The following DXO variants were observed in gnomAD, a reference collection of about 807,000 sequenced individuals.
DXO encodes decapping and exoribonuclease protein.
Under a neutral mutation model 39.8 loss-of-function variants are expected in DXO, and 42 were observed. The observed-to-expected ratio is 1.06, with a 90% CI of 0.83 to 1.37. The LOEUF (loss-of-function observed/expected upper bound fraction) is 1.37, where lower values mean the gene tolerates loss of function less well. Among genes scored for constraint, DXO ranks in the 40% most tolerant of loss-of-function variants. The pLI is 0.00. For missense variants in DXO, 495 were observed against 513.0 expected, an observed-to-expected ratio of 0.96 and a Z score of 0.34; for synonymous variants, 193 against 200.4, an observed-to-expected ratio of 0.96 and a Z score of 0.31.
At position 31,971,355 on chromosome 6, in the gene DXO, C is replaced by T; in HGVS notation, c.321G>A (p.Leu107=). ...EEVQERLDHL[L]CWLLEHRGRL... Reference sequence around the variant, plus strand: ...GGCCTCGGTGTTCCAGGAGCCAGCACAGCAGGTGGTCCAGCCTTTCCTGGA... The same window carrying T: ...GGCCTCGGTGTTCCAGGAGCCAGCATAGCAGGTGGTCCAGCCTTTCCTGGA... Residue 107 remains leucine (L), a synonymous_variant, in exon 2 of 7, where the codon CTG becomes CTA. Transcript: ENST00000337523. This position sits in a 1 kb window ranked among gnomAD's most constrained non-coding sequence, Gnocchi z 4.5. 3.2e-6 allele frequency: 5 copies of T among 1,557,550 alleles called. No individual in the cohort carries two copies. Among genetic ancestry groups the T allele is most frequent in the Non-Finnish European group, 3.5e-6 (4 of 1,149,948 alleles).
rs1388161955 is a variant in DXO at position 31,972,059 on chromosome 6, C to T, written c.-137G>A. ...TTCAGCGACAGTGGCGGGCAAACCCCTCCCGGGGCGGGGGAGGTGTGAGCT... is the reference window on the plus strand; with the variant it reads ...TTCAGCGACAGTGGCGGGCAAACCCTTCCCGGGGCGGGGGAGGTGTGAGCT... On this transcript the variant is annotated 5_prime_UTR_variant, in exon 1 of 7. Coordinates refer to ENST00000337523, the MANE Select transcript of DXO (RefSeq NM_005510.4). This position sits in a 1 kb window ranked among gnomAD's most constrained non-coding sequence, Gnocchi z 6.3. 3.1e-6 allele frequency: 5 copies of T among 1,612,506 alleles called. No homozygotes were observed. The African/African-American group carries it at 5.3e-5, about 17-fold the overall frequency.
rs750071146 is a variant in DXO at position 31,970,856 on chromosome 6, G to A, written c.593-31C>T. 2.5e-6 allele frequency: 4 copies of A among 1,611,896 alleles called. No homozygotes were observed. Among genetic ancestry groups the A allele is most frequent in the Non-Finnish European group, 3.4e-6 (4 of 1,179,200 alleles). The stretch of plus-strand genomic sequence containing the variant: ...CAAGGAGAGAAGCAGCAGCAGGCGT[G>A]GGGGGCTCTCAACCTCTGGGAAGGG... On this transcript the variant is annotated intron_variant, in intron 3 of 6. Coordinates refer to ENST00000337523, the MANE Select transcript of DXO (RefSeq NM_005510.4). The surrounding 1 kb of genome is among the most constrained non-coding windows in gnomAD (Gnocchi z 4.0).
In DXO at chr6:31,971,076, T is replaced by C. The variant is rs1211910013; in HGVS notation, c.428A>G (p.Tyr143Cys). 1.2e-6 allele frequency: 2 copies of C among 1,612,802 alleles called. No homozygotes were observed. The highest frequency in any genetic ancestry group is 1.7e-5 in the Admixed American group (1 of 59,986). ...CAGCTGCCAGCCCTCCTGCCGCTCA[T>C]ACGGTGTCGTCAGCAGTTTTGTCAG... ...GHLTKLLTTP[Y>C]ERQEGWQLAA... is the part of the protein sequence containing the mutation. The change falls in exon 3 of 7, where the codon TAT (tyrosine) becomes TGT (cysteine). Residue 143 changes from tyrosine (Y) to cysteine (C), a missense_variant. Coordinates refer to ENST00000337523, the MANE Select transcript of DXO (RefSeq NM_005510.4). The surrounding 1 kb of genome is among the most constrained non-coding windows in gnomAD (Gnocchi z 4.5).
chr6:31,970,026 T>C lies in DXO; in HGVS notation c.1044-2A>G. 1 of 1,613,710 alleles carries C rather than the reference T, an allele frequency of 6.2e-7. No individual in the cohort carries two copies. The highest frequency in any genetic ancestry group is 8.5e-7 in the Non-Finnish European group (1 of 1,179,926). The stretch of plus-strand genomic sequence containing the variant: ...TCCCAAGAGAAGAGATGAACGAGCC[T>C]GGGGGGCAGATGGAGGCATCAGTTG... On this transcript the variant is annotated splice_acceptor_variant, in intron 6 of 6. Transcript: ENST00000337523. LOFTEE classifies it high-confidence loss of function. The surrounding 1 kb of genome is among the most constrained non-coding windows in gnomAD (Gnocchi z 4.0).
In DXO at chr6:31,969,927, C is replaced by T; in HGVS notation, c.1141G>A (p.Ala381Thr). Residue 381 changes from alanine (A) to threonine (T), a missense_variant, in exon 7 of 7, where the codon GCT becomes ACT. By Grantham distance (58) the Ala-to-Thr change is moderately conservative. Transcript: ENST00000337523. This position sits in a 1 kb window ranked among gnomAD's most constrained non-coding sequence, Gnocchi z 6.1. ...YAFLPIWYVE[A>T]MTQDLPSPPK... ...GGTGATGGGAGGTCCTGAGTCATAG[C>T]TTCCACATACCATATGGGCAGGAAG... 1 of 1,614,038 alleles carries T rather than the reference C, an allele frequency of 6.2e-7. No individual in the cohort carries two copies. The highest frequency in any genetic ancestry group is 1.1e-5 in the South Asian group (1 of 91,072).
In DXO at chr6:31,971,818, C is replaced by T; in HGVS notation, c.-7+111G>A. On this transcript the variant is annotated intron_variant, in intron 1 of 6. Coordinates refer to ENST00000337523, the MANE Select transcript of DXO (RefSeq NM_005510.4). The surrounding 1 kb of genome is among the most constrained non-coding windows in gnomAD (Gnocchi z 4.5). ...TCAGGCCCCTCAGACGCCACCGCGG[C>T]CAAGCTCTCATCCTGCCTCTTTCCT... 7.6e-7 allele frequency: 1 copy of T among 1,321,480 alleles called. No homozygotes were observed. The highest frequency in any genetic ancestry group is 1.0e-6 in the Non-Finnish European group (1 of 990,388). 81.9% of individuals were successfully genotyped at this position (1,321,480 alleles called of 1,614,324 possible).
rs766603641 is a variant in DXO, at chr6:31,971,414, A to C, written c.262T>G (p.Tyr88Asp). ...TCCCGGGGCTGGTATCGATCCGGGT[A>C]TCCGTCTCTGAGGTCAAAGTTGGGG... ...PGPNFDLRDG[Y>D]PDRYQPRDEE... The change falls in exon 2 of 7, where the codon TAC (tyrosine) becomes GAC (aspartate). Residue 88 changes from tyrosine (Y) to aspartate (D), a missense_variant. Tyr to Asp is a radical substitution (Grantham distance 160). Coordinates refer to ENST00000337523, the MANE Select transcript of DXO (RefSeq NM_005510.4). This position sits in a 1 kb window ranked among gnomAD's most constrained non-coding sequence, Gnocchi z 4.5. The C allele has an allele frequency of 4.4e-6, 7 of 1,606,482 alleles. No individual in the cohort carries two copies. The highest frequency in any genetic ancestry group is 6.0e-6 in the Non-Finnish European group (7 of 1,174,424).
In DXO at chr6:31,972,026, T is replaced by C; in HGVS notation, c.-104A>G. 1.9e-6 allele frequency: 3 copies of C among 1,608,890 alleles called. No homozygotes were observed. The highest frequency in any genetic ancestry group is 2.6e-6 in the Non-Finnish European group (3 of 1,176,108). On this transcript the variant is annotated 5_prime_UTR_variant, in exon 1 of 7. Transcript: ENST00000337523. The surrounding 1 kb of genome is among the most constrained non-coding windows in gnomAD (Gnocchi z 6.3). ...AAAAGTGGTTTTCTGCTTTCGATGA[T>C]GCAATCATTCAGCGACAGTGGCGGG...
In DXO at chr6:31,971,783, C is replaced by T. The variant is rs775398781; in HGVS notation, c.-6-102G>A. The T allele has an allele frequency of 5.1e-6, 7 of 1,371,542 alleles. No homozygotes were observed. Among genetic ancestry groups the T allele is most frequent in the Non-Finnish European group, 6.8e-6 (7 of 1,032,456 alleles). 85.0% of individuals were successfully genotyped at this position (1,371,542 alleles called of 1,614,324 possible). On this transcript the variant is annotated intron_variant, in intron 1 of 6. Transcript: ENST00000337523. This position sits in a 1 kb window ranked among gnomAD's most constrained non-coding sequence, Gnocchi z 4.5. Reference sequence around the variant, plus strand: ...AGCCACCTGATCGCCAGGCTCTGGCCTTGAAACATTCAGGCCCCTCAGACG... The same window carrying T: ...AGCCACCTGATCGCCAGGCTCTGGCTTTGAAACATTCAGGCCCCTCAGACG...
At position 31,971,467 on chromosome 6, in the gene DXO, T is replaced by C. The variant is rs1388669426; in HGVS notation, c.209A>G (p.Tyr70Cys). ...TGGACCGTTAGTGGGGGGTGGGCTA[T>C]AGTAGCGCAGGGCTCGGGCATCTCC... ...YHGDARALRYYSPPPTNGPGP... is the reference protein window; with the variant it reads ...YHGDARALRYCSPPPTNGPGP... Residue 70 changes from tyrosine to cysteine, a missense_variant, in exon 2 of 7, where the codon TAT (tyrosine) becomes TGT (cysteine). By Grantham distance (194) the Tyr-to-Cys change is radical. Coordinates refer to ENST00000337523, the MANE Select transcript of DXO (RefSeq NM_005510.4). The surrounding 1 kb of genome is among the most constrained non-coding windows in gnomAD (Gnocchi z 4.5). 8.7e-6 allele frequency: 14 copies of C among 1,613,894 alleles called. No homozygotes were observed. Among genetic ancestry groups the C allele is most frequent in the Non-Finnish European group, 1.2e-5 (14 of 1,179,970 alleles).
Position 31,971,045 on chromosome 6 carries a change from G to C in DXO, c.459C>G (p.Ala153=), listed in dbSNP as rs371028098. 14 of 1,612,904 alleles carry C rather than the reference G, an allele frequency of 8.7e-6. No homozygotes were observed. Among genetic ancestry groups the C allele is most frequent in the Non-Finnish European group, 1.2e-5 (14 of 1,180,016 alleles). Residue 153 remains alanine (A), a synonymous_variant, in exon 3 of 7, where the codon GCC becomes GCG. Transcript: ENST00000337523. The surrounding 1 kb of genome is among the most constrained non-coding windows in gnomAD (Gnocchi z 4.5). ...YERQEGWQLA[A]SRFQGTLYLS... is the part of the protein sequence containing the mutation. ...GGTATAGTGTTCCCTGGAACCGGGAGGCTGCCAGCTGCCAGCCCTCCTGCC... is the reference window on the plus strand; with the variant it reads ...GGTATAGTGTTCCCTGGAACCGGGACGCTGCCAGCTGCCAGCCCTCCTGCC...
At position 31,969,840 on chromosome 6, in the gene DXO, GCA is replaced by G. The variant is rs771429107; in HGVS notation, c.*35_*36del. 3.1e-5 allele frequency: 50 copies of G among 1,613,828 alleles called. 3 individuals carry two copies. In the South Asian group the frequency reaches 5.2e-4, roughly 17 times the overall value. ...TCTTAGAAATATGCTTTTATTATCT[GCA>G]CACAGAGATATGACTGCCTCCCTCT... On this transcript the variant is annotated 3_prime_UTR_variant, in exon 7 of 7. Transcript: ENST00000337523. This position sits in a 1 kb window ranked among gnomAD's most constrained non-coding sequence, Gnocchi z 6.1.
rs144960609 is a variant in DXO at position 31,970,812 on chromosome 6, G to A, written c.606C>T (p.Ser202=). Residue 202 remains serine, a synonymous_variant, in exon 4 of 7, where the codon AGC becomes AGT. Coordinates refer to ENST00000337523, the MANE Select transcript of DXO (RefSeq NM_005510.4). The surrounding 1 kb of genome is among the most constrained non-coding windows in gnomAD (Gnocchi z 4.0). The part of the protein sequence containing the change: ...EQYMCADKPG[S]SPDPSGEVNT... ...TAACCTCCCCAGAGGGGTCTGGGGA[G>A]CTTCCAGGTTTGTCTGCACAAGGAG... is the stretch of plus-strand genomic sequence containing the variant. 3 of 1,612,728 alleles carry A rather than the reference G, an allele frequency of 1.9e-6. No individual in the cohort carries two copies. The highest frequency in any genetic ancestry group is 2.5e-6 in the Non-Finnish European group (3 of 1,179,938).
Position 31,972,027 on chromosome 6 carries a change from G to A in DXO, c.-105C>T. ...AAAGTGGTTTTCTGCTTTCGATGATGCAATCATTCAGCGACAGTGGCGGGC... is the reference window on the plus strand; with the variant it reads ...AAAGTGGTTTTCTGCTTTCGATGATACAATCATTCAGCGACAGTGGCGGGC... On this transcript the variant is annotated 5_prime_UTR_variant, in exon 1 of 7. Coordinates refer to ENST00000337523, the MANE Select transcript of DXO (RefSeq NM_005510.4). The surrounding 1 kb of genome is among the most constrained non-coding windows in gnomAD (Gnocchi z 6.3). 1 of 1,609,036 alleles carries A rather than the reference G, an allele frequency of 6.2e-7. No homozygotes were observed.
rs34548063 is a variant in DXO, at chr6:31,972,046, G to A, written c.-124C>T. The A allele has an allele frequency of 1.6e-3, 2,641 of 1,611,794 alleles. 41 individuals are homozygous for A. The African/African-American group carries it at 0.03, about 19-fold the overall frequency. ...GATGATGCAATCATTCAGCGACAGT[G>A]GCGGGCAAACCCCTCCCGGGGCGGG... On this transcript the variant is annotated 5_prime_UTR_variant, in exon 1 of 7. Transcript: ENST00000337523. The surrounding 1 kb of genome is among the most constrained non-coding windows in gnomAD (Gnocchi z 6.3).
Position 31,972,069 on chromosome 6 carries a change from G to C in DXO, c.-147C>G, listed in dbSNP as rs780628617. ...GTGGCGGGCAAACCCCTCCCGGGGCGGGGGAGGTGTGAGCTTCACGAAGGA... is the reference window on the plus strand; with the variant it reads ...GTGGCGGGCAAACCCCTCCCGGGGCCGGGGAGGTGTGAGCTTCACGAAGGA... On this transcript the variant is annotated 5_prime_UTR_variant, in exon 1 of 7. Transcript: ENST00000337523. This position sits in a 1 kb window ranked among gnomAD's most constrained non-coding sequence, Gnocchi z 6.3. The C allele has an allele frequency of 1.6e-5, 25 of 1,612,620 alleles. No individual in the cohort carries two copies. Among genetic ancestry groups the C allele is most frequent in the Non-Finnish European group, 2.1e-5 (25 of 1,179,566 alleles).
chr6:31,969,854 G>A lies in DXO; in HGVS notation c.*23C>T. Reference sequence around the variant, plus strand: ...TTTTATTATCTGCACACAGAGATATGACTGCCTCCCTCTAAAGCATTACTA... The same window carrying A: ...TTTTATTATCTGCACACAGAGATATAACTGCCTCCCTCTAAAGCATTACTA... On this transcript the variant is annotated 3_prime_UTR_variant, in exon 7 of 7. Transcript: ENST00000337523. The surrounding 1 kb of genome is among the most constrained non-coding windows in gnomAD (Gnocchi z 6.1). 1.9e-6 allele frequency: 3 copies of A among 1,614,080 alleles called. No homozygotes were observed. The highest frequency in any genetic ancestry group is 2.5e-6 in the Non-Finnish European group (3 of 1,179,986).
Position 31,969,816 on chromosome 6 carries a change from C to T in DXO, c.*61G>A, listed in dbSNP as rs3180876. On this transcript the variant is annotated 3_prime_UTR_variant, in exon 7 of 7. Coordinates refer to ENST00000337523, the MANE Select transcript of DXO (RefSeq NM_005510.4). The surrounding 1 kb of genome is among the most constrained non-coding windows in gnomAD (Gnocchi z 6.1). ...AGCTAAGAAGACAGCGAGAGAACCT[C>T]TTAGAAATATGCTTTTATTATCTGC... is the stretch of plus-strand genomic sequence containing the variant. The T allele has an allele frequency of 6.2e-7, 1 of 1,611,452 alleles. No individual in the cohort carries two copies. The highest frequency in any genetic ancestry group is 8.5e-7 in the Non-Finnish European group (1 of 1,178,300).
chr6:31,971,423 T>C lies in DXO; in HGVS notation c.253A>G (p.Arg85Gly). 1 of 1,609,640 alleles carries C rather than the reference T, an allele frequency of 6.2e-7. No homozygotes were observed. The highest frequency in any genetic ancestry group is 8.5e-7 in the Non-Finnish European group (1 of 1,176,582). ...TGGTATCGATCCGGGTATCCGTCTC[T>C]GAGGTCAAAGTTGGGGCCTGGACCG... ...TNGPGPNFDL[R>G]DGYPDRYQPR... The change falls in exon 2 of 7, where the codon AGA becomes GGA. Residue 85 changes from arginine to glycine, a missense_variant. Arg to Gly is a moderately radical substitution (Grantham distance 125). Transcript: ENST00000337523. This position sits in a 1 kb window ranked among gnomAD's most constrained non-coding sequence, Gnocchi z 4.5.
Sources: allele counts gnomAD v4.1 joint callset, GRCh38; gene constraint gnomAD v4.1.1; non-coding constraint Gnocchi (gnomAD v3.1); transcripts MANE v1.5; gene names NCBI Gene and HGNC (gene_info 2026-07-23, HGNC 2026-07-21).